Variants in UMPS observed in about 807,000 individuals in gnomAD.
The protein encoded by UMPS is uridine 5'-monophosphate synthase.
In UMPS, 21 loss-of-function variants were observed where a neutral mutation model predicts 38.9. The ratio of observed to expected loss-of-function variants is 0.54; its 90% CI spans 0.38 to 0.78. The LOEUF (loss-of-function observed/expected upper bound fraction) is 0.78, where lower values mean the gene tolerates loss of function less well. UMPS is among the 30% of genes least tolerant of loss of function. The pLI, the probability that UMPS is intolerant of heterozygous loss-of-function variation, is 0.00. For missense variants in UMPS, 533 were observed against 591.6 expected (o/e 0.90, Z 1.03); for synonymous variants, 208 against 219.3 (o/e 0.95, Z 0.45).
Position 124,747,613 on chromosome 3 carries a change from C to G in UMPS, c.*3529C>G. ...TGAAAGCCCCAGCTGATCTGTAAGC[C>G]TGGGAGCGTGATAAATGCTTAGTAG... On this transcript the variant is annotated 3_prime_UTR_variant, in exon 6 of 6. Coordinates refer to ENST00000232607, the MANE Select transcript of UMPS (RefSeq NM_000373.4). The G allele has an allele frequency of 2.2e-6, 1 of 450,958 alleles. No individual in the cohort carries two copies. The highest frequency in any genetic ancestry group is 4.5e-6 in the Non-Finnish European group (1 of 224,056). 27.9% of individuals were successfully genotyped at this position (450,958 alleles called of 1,614,324 possible).
rs764749428 is a variant in UMPS at position 124,747,002 on chromosome 3, TTTTTG to T, written c.*2932_*2936del. On this transcript the variant is annotated 3_prime_UTR_variant, in exon 6 of 6. Coordinates refer to ENST00000232607, the MANE Select transcript of UMPS (RefSeq NM_000373.4). The stretch of plus-strand genomic sequence containing the variant: ...TGCCAAAAGTAGGCCGAGGGCTGGT[TTTTTG>T]TTTTGTTTTGTTTGTTTGATACAGG... 8 of 449,016 alleles carry T rather than the reference TTTTTG, an allele frequency of 1.8e-5. No homozygotes were observed. The highest frequency in any genetic ancestry group is 1.0e-4 in the African/African-American group (5 of 48,794). 27.8% of individuals were successfully genotyped at this position (449,016 alleles called of 1,614,324 possible).
intron 3 of UMPS, chr3:124,738,492 A>G: frequency 2.1e-6 from 1 of 466,474 alleles, no homozygotes. Flanking sequence ...CTAGCTTGGG[A>G]TGTAGAATAC....
At chr3:124,732,463 C>A (rs1424710616) in intron 1 of UMPS, 3 of 154,762 alleles carry the variant, frequency 1.9e-5, no homozygotes, top group Non-Finnish European at 4.4e-5. Flanking sequence ...ATGCAGAATC[C>A]ATTTCTGTAG....
rs2150896758 is a variant in UMPS at position 124,737,901 on chromosome 3, C to T, written c.644C>T (p.Pro215Leu). 1 of 1,614,212 alleles carries T rather than the reference C, an allele frequency of 6.2e-7. No homozygotes were observed. The highest frequency in any genetic ancestry group is 8.5e-7 in the Non-Finnish European group (1 of 1,180,042). ...VFVAANHNGS[P>L]LSIKEAPKEL... ...GTGGCAGCGAATCATAATGGTTCTC[C>T]CCTTTCTATAAAGGAAGCACCCAAA... is the stretch of plus-strand genomic sequence containing the variant. Residue 215 changes from proline (P) to leucine (L), a missense_variant, in exon 3 of 6, where the codon CCC becomes CTC. Transcript: ENST00000232607.
At position 124,743,997 on chromosome 3, in the gene UMPS, C is replaced by T. The variant is rs1452139075; in HGVS notation, c.1356C>T (p.Gly452=). ...RGSDIIIVGR[G]IISAADRLEA... ...CCGATATCATCATTGTAGGTCGTGG[C>T]ATAATCTCAGCAGCTGATCGTCTGG... The change falls in exon 6 of 6, where the codon GGC becomes GGT. Residue 452 remains glycine (G), a synonymous_variant. Coordinates refer to ENST00000232607, the MANE Select transcript of UMPS (RefSeq NM_000373.4). 2 of 1,614,108 alleles carry T rather than the reference C, an allele frequency of 1.2e-6. No individual in the cohort carries two copies. The highest frequency in any genetic ancestry group is 1.7e-6 in the Non-Finnish European group (2 of 1,180,040).
chr3:124,743,695 A>G (rs1054733455), intron 5 of UMPS, among the ~76,000 whole-genome samples: 1 of 152,114 alleles, frequency 6.6e-6, no homozygotes, highest in East Asian at 1.9e-4. Flanking sequence ...AAACTTTACC[A>G]TTGAAAAGGA....
chr3:124,746,758 TGTGTGTGTGTG>T lies in UMPS; in HGVS notation c.*2675_*2685del, dbSNP rs1559909743. ...CTGTAGAACATAAGCCCATAGATTGTGTGTGTGTGTGTGTGTGTGTGTGTGTGTGTGTGTGT... is the reference window on the plus strand; with the variant it reads ...CTGTAGAACATAAGCCCATAGATTGTTGTGTGTGTGTGTGTGTGTGTGTGT... On this transcript the variant is annotated 3_prime_UTR_variant, in exon 6 of 6. Transcript: ENST00000232607. 2.2e-5 allele frequency: 2 copies of T among 90,222 alleles called. No homozygotes were observed. Among genetic ancestry groups the T allele is most frequent in the Non-Finnish European group, 4.4e-5 (2 of 45,556 alleles). The allele number at this position is 90,222 out of a possible 1,614,324, so 5.6% of individuals were successfully genotyped here. A position where few individuals can be genotyped will look rare whatever the true frequency, so the allele number is the denominator to read the frequency against.
chr3:124,730,645 G>C lies in UMPS; in HGVS notation c.156+18G>C, dbSNP rs2063468628. ...TGAGTCAGGTGCTGGCCTAGGAAGG[G>C]AAAGGACAGGGCTTGGTGGCGGGAA... On this transcript the variant is annotated intron_variant, in intron 1 of 5. Coordinates refer to ENST00000232607, the MANE Select transcript of UMPS (RefSeq NM_000373.4). The C allele has an allele frequency of 6.2e-7, 1 of 1,610,004 alleles. No homozygotes were observed. The highest frequency in any genetic ancestry group is 8.5e-7 in the Non-Finnish European group (1 of 1,176,754).
In UMPS at chr3:124,737,925, A is replaced by G. The variant is rs1390847421; in HGVS notation, c.668A>G (p.Lys223Arg). ...GSPLSIKEAPKELSFGARAEL... is the reference protein window; with the variant it reads ...GSPLSIKEAPRELSFGARAEL... ...CCCCTTTCTATAAAGGAAGCACCCA[A>G]AGAACTCAGCTTCGGTGCACGTGCA... The change falls in exon 3 of 6, where the codon AAA becomes AGA. Residue 223 changes from lysine (K) to arginine (R), a missense_variant. Transcript: ENST00000232607. 2 of 1,614,116 alleles carry G rather than the reference A, an allele frequency of 1.2e-6. No homozygotes were observed. Among genetic ancestry groups the G allele is most frequent in the Admixed American group, 1.7e-5 (1 of 60,012 alleles).
At chr3:124,743,033 A>G (rs192841566) in intron 5 of UMPS, among the ~76,000 whole-genome samples, 1 of 152,328 alleles carries the variant, frequency 6.6e-6, no homozygotes, top group East Asian at 1.9e-4. Context: ...ACATGAAAAA[A>G]TAATGATAAA....
chr3:124,739,469 C>A (rs924483500), intron 3 of UMPS, among the ~76,000 whole-genome samples: 1 of 151,974 alleles, frequency 6.6e-6, no homozygotes, highest in Non-Finnish European at 1.5e-5. Flanking sequence ...GTAGCTGGGA[C>A]CACAGGCATG....
intron 5 of UMPS, 94 bp from the exon 6 acceptor site, chr3:124,743,821 T>C (rs1328326794): frequency 1.3e-6 from 2 of 1,525,026 alleles, no homozygotes; most frequent in Non-Finnish European, 1.8e-6. Flanking sequence ...CATGTTTTTA[T>C]TTAAAGCTGG....
At chr3:124,731,991 G>T (rs369694157) in intron 1 of UMPS, among the ~76,000 whole-genome samples, 2 of 151,428 alleles carry the variant, frequency 1.3e-5, no homozygotes, top group African/African-American at 4.9e-5. Flanking sequence ...GTAGAGAGGA[G>T]GTCTCACCAT....
chr3:124,733,924 T>C (rs1352339940), intron 1 of UMPS, among the ~76,000 whole-genome samples: 3 of 152,248 alleles, frequency 2.0e-5, no homozygotes, highest in East Asian at 1.9e-4. Flanking sequence ...TATATTACTT[T>C]AGAATAAAAT....
chr3:124,747,734 A>G lies in UMPS; in HGVS notation c.*3650A>G, dbSNP rs911208291. Reference sequence around the variant, plus strand: ...GCTCTCTGGATCCAGCCTGGTTACCAGGAAGACAAAAACTGGGCTCCACCA... The same window carrying G: ...GCTCTCTGGATCCAGCCTGGTTACCGGGAAGACAAAAACTGGGCTCCACCA... On this transcript the variant is annotated 3_prime_UTR_variant, in exon 6 of 6. Coordinates refer to ENST00000232607, the MANE Select transcript of UMPS (RefSeq NM_000373.4). 2.2e-6 allele frequency: 1 copy of G among 452,800 alleles called. No individual in the cohort carries two copies. The highest frequency in any genetic ancestry group is 4.4e-6 in the Non-Finnish European group (1 of 225,628). 28.0% of individuals were successfully genotyped at this position (452,800 alleles called of 1,614,324 possible).
intron 2 of UMPS, 53 bp from the exon 3 acceptor site, chr3:124,737,515 C>T: frequency 6.5e-7 from 1 of 1,528,040 alleles, no homozygotes; most frequent in Non-Finnish European, 9.1e-7. Flanking sequence ...CGTATATACG[C>T]ACATATACAT....
At chr3:124,736,473 T>A (rs1204726087) in intron 2 of UMPS, among the ~76,000 whole-genome samples, 1 of 152,154 alleles carries the variant, frequency 6.6e-6, no homozygotes, top group Non-Finnish European at 1.5e-5. Context: ...TCTGTTTTTG[T>A]TTTTTGTTTT....
intron 1 of UMPS, chr3:124,731,667 C>T (rs572603349): frequency 1.0e-4 from 24 of 229,884 alleles, no homozygotes; most frequent in African/African-American, 3.7e-4. Context: ...GAGGCTGAGG[C>T]GGGTGGATCA....
rs145667018 is a variant in UMPS, at chr3:124,745,462, C to G, written c.*1378C>G. On this transcript the variant is annotated 3_prime_UTR_variant, in exon 6 of 6. Transcript: ENST00000232607. Reference sequence around the variant, plus strand: ...CACTGCAACTTCTGCCTCTCTGGTTCAAGCAGTTCTCCTGCCTCAGCCTCC... The same window carrying G: ...CACTGCAACTTCTGCCTCTCTGGTTGAAGCAGTTCTCCTGCCTCAGCCTCC... 1 of 453,598 alleles carries G rather than the reference C, an allele frequency of 2.2e-6. No homozygotes were observed. Among genetic ancestry groups the G allele is most frequent in the Non-Finnish European group, 4.4e-6 (1 of 226,732 alleles). 28.1% of individuals were successfully genotyped at this position (453,598 alleles called of 1,614,324 possible). A position where few individuals can be genotyped will look rare whatever the true frequency, so the allele number is the denominator to read the frequency against.
Sources: gnomAD v4.1 joint callset for allele counts (sites outside exome capture counted in the v4.1 genomes callset) on GRCh38, gnomAD v4.1.1 for gene constraint, MANE v1.5 for transcripts, NCBI Gene and HGNC (gene_info 2026-07-23, HGNC 2026-07-21) for gene names.